The following UNKL variants were observed in gnomAD, a reference collection of about 807,000 sequenced individuals.
The protein encoded by UNKL is unk like zinc finger.
UNKL carries 60 observed loss-of-function variants against 78.0 expected under a neutral mutation model. The ratio of observed to expected loss-of-function variants is 0.77; its 90% CI spans 0.63 to 0.95. UNKL has a LOEUF of 0.95. UNKL is among the 40% of genes least tolerant of loss of function. The pLI, the probability that UNKL is intolerant of heterozygous loss-of-function variation, is 0.00. For synonymous variants in UNKL, 608 were observed against 474.8 expected (o/e 1.28, Z -3.65); for missense variants, 1,159 against 1,045.7 (o/e 1.11, Z -1.49).
At position 1,413,861 on chromosome 16, in the gene UNKL, C is replaced by T; in HGVS notation, c.272G>A (p.Cys91Tyr). ...GGCCGCTTACTCGTCGCCGTCGGGG[C>T]ACACGCCGGTGGCTTCGTTGTACTT... ...CSKYNEATGV[C>Y]PDGDECPYLH... Residue 91 changes from cysteine to tyrosine, a missense_variant, in exon 2 of 15, where the codon TGC becomes TAC. Coordinates refer to ENST00000389221, the MANE Select transcript of UNKL (RefSeq NM_001372107.1). 6.5e-7 allele frequency: 1 copy of T among 1,527,512 alleles called. No individual in the cohort carries two copies. The allele number at this position is 1,527,512 out of a possible 1,614,324, so 94.6% of individuals were successfully genotyped here. A position where few individuals can be genotyped will look rare whatever the true frequency, so the allele number is the denominator to read the frequency against.
In UNKL at chr16:1,371,553, C is replaced by T; in HGVS notation, c.1323G>A (p.Leu441=). The stretch of plus-strand genomic sequence containing the variant: ...CCAGGTCGTGGCCGTCTTGCTCTTC[C>T]AGGTCCTTCTCTAGGGATGCAATAT... ...NVNIASLEKD[L]EEQDGHDLGA... The change falls in exon 11 of 15, where the codon CTG becomes CTA. Residue 441 remains leucine, a synonymous_variant. Coordinates refer to ENST00000389221, the MANE Select transcript of UNKL (RefSeq NM_001372107.1). 4 of 1,536,250 alleles carry T rather than the reference C, an allele frequency of 2.6e-6. No individual in the cohort carries two copies. Among genetic ancestry groups the T allele is most frequent in the Non-Finnish European group, 3.5e-6 (4 of 1,146,920 alleles).
intron 10 of UNKL, among the ~76,000 whole-genome samples, chr16:1,377,829 T>G (rs2036345720): frequency 6.6e-6 from 1 of 152,100 alleles, no homozygotes; most frequent in Admixed American, 6.5e-5. Context: ...CAGGGGCTGC[T>G]GGAAGCTGGC....
chr16:1,369,067 T>G (rs890371811), intron 12 of UNKL, among the ~76,000 whole-genome samples: 4,757 of 125,788 alleles, frequency 0.038, 170 homozygotes, highest in Non-Finnish European at 0.055. Flanking sequence ...TTTTTTTTTT[T>G]TTTTTTTTTT....
intron 3 of UNKL, among the ~76,000 whole-genome samples, chr16:1,402,582 G>A (rs1030592983): frequency 1.3e-5 from 2 of 152,062 alleles, no homozygotes; most frequent in Non-Finnish European, 2.9e-5. Flanking sequence ...AGAATGGCGT[G>A]AACCCAGGAG....
At chr16:1,392,745 G>T in intron 8 of UNKL, 146 bp downstream of exon 8, 1 of 992,444 alleles carries the variant, frequency 1.0e-6, no homozygotes, top group Non-Finnish European at 1.5e-6. Context: ...TAGTGGCAAG[G>T]ATTTTTCTAG....
At position 1,387,630 on chromosome 16, in the gene UNKL, G is replaced by C. The variant is rs1455078325; in HGVS notation, c.1087-2245C>G. Among the ~76,000 whole-genome samples, 1 of 152,146 alleles carries C rather than the reference G, an allele frequency of 6.6e-6. No homozygotes were observed. Among genetic ancestry groups the C allele is most frequent in the South Asian group, 2.1e-4 (1 of 4,832 alleles). On this transcript the variant is annotated intron_variant, in intron 9 of 14. Coordinates refer to ENST00000389221, the MANE Select transcript of UNKL (RefSeq NM_001372107.1). This position sits in a 1 kb window ranked among gnomAD's most constrained non-coding sequence, Gnocchi z 4.1. ...AGCAAGGGGTGAGTGACGTGGGGCG[G>C]TCTGCTGAGCTCACCGCATCCAGCA...
chr16:1,394,754 G>C (rs922463056), intron 6 of UNKL, among the ~76,000 whole-genome samples: 1 of 152,076 alleles, frequency 6.6e-6, no homozygotes, highest in Non-Finnish European at 1.5e-5. Flanking sequence ...TGGCACGCCA[G>C]GCCTCCAGTG....
intron 10 of UNKL, among the ~76,000 whole-genome samples, chr16:1,376,677 C>G (rs1451812985): frequency 7.0e-6 from 1 of 141,884 alleles, no homozygotes; most frequent in African/African-American, 2.6e-5. Flanking sequence ...TAGCACCCTG[C>G]GATCTGTAGC....
intron 5 of UNKL, chr16:1,398,834 G>A: frequency 1.3e-6 from 2 of 1,562,040 alleles, no homozygotes; most frequent in South Asian, 1.2e-5. Context: ...CCAGGGGACA[G>A]CTGGGGCTCA....
At chr16:1,367,978 T>A in intron 12 of UNKL, 120 bp from the exon 13 acceptor site, 1 of 903,166 alleles carries the variant, frequency 1.1e-6, no homozygotes, top group Non-Finnish European at 1.7e-6. Flanking sequence ...TCACCTGCCC[T>A]GGCAGCAGGG....
chr16:1,399,340 C>T lies in UNKL; in HGVS notation c.734+34G>A, dbSNP rs1167519576. On this transcript the variant is annotated intron_variant, in intron 5 of 14. Transcript: ENST00000389221. This position sits in a 1 kb window ranked among gnomAD's most constrained non-coding sequence, Gnocchi z 5.8. ...ACGGGCCGGGAAGGACGCCCACCAG[C>T]CGGAGTCCTCTGAGCACGGTCCCGC... 1 of 1,531,380 alleles carries T rather than the reference C, an allele frequency of 6.5e-7. No individual in the cohort carries two copies. The highest frequency in any genetic ancestry group is 8.8e-7 in the Non-Finnish European group (1 of 1,138,794). The allele number at this position is 1,531,380 out of a possible 1,614,324, so 94.9% of individuals were successfully genotyped here.
chr16:1,406,204 G>T (rs552542913), intron 2 of UNKL: 10 of 330,180 alleles, frequency 3.0e-5, no homozygotes, highest in African/African-American at 2.6e-4. Flanking sequence ...CTCCCATGCC[G>T]GGCTATATTG....
Position 1,379,634 on chromosome 16 carries a change from A to G in UNKL, c.1264+5574T>C, listed in dbSNP as rs901403227. ...CTGCCACGCGCTGGGGCCGCCGCCA[A>G]TGCTGACTCACGGTCCGCGGCCGCC... On this transcript the variant is annotated intron_variant, in intron 10 of 14. Coordinates refer to ENST00000389221, the MANE Select transcript of UNKL (RefSeq NM_001372107.1). The G allele has an allele frequency of 9.1e-6, 9 of 984,344 alleles. No individual in the cohort carries two copies. The African/African-American group carries it at 1.4e-4, about 15-fold the overall frequency. The allele number at this position is 984,344 out of a possible 1,614,324, so 61.0% of individuals were successfully genotyped here. A position where few individuals can be genotyped will look rare whatever the true frequency, so the allele number is the denominator to read the frequency against.
rs1225045191 is a variant in UNKL, at chr16:1,366,035, G to T, written c.*205C>A. 1.8e-6 allele frequency: 1 copy of T among 540,622 alleles called. No homozygotes were observed. 33.5% of individuals were successfully genotyped at this position (540,622 alleles called of 1,614,324 possible). The stretch of plus-strand genomic sequence containing the variant: ...GAAAATACCTTGAAACCGTCGGTAG[G>T]ACTAGATAGGTGACAACGTGTGACA... On this transcript the variant is annotated 3_prime_UTR_variant, in exon 15 of 15. Transcript: ENST00000389221.
chr16:1,407,823 G>A (rs1398609062), intron 2 of UNKL, among the ~76,000 whole-genome samples: 4 of 152,176 alleles, frequency 2.6e-5, no homozygotes, highest in African/African-American at 9.7e-5. Context: ...GTGCAGGAGC[G>A]CTCTTCTGGA....
At chr16:1,385,494 C>T in intron 9 of UNKL, 109 bp from the exon 10 acceptor site, 1 of 1,155,486 alleles carries the variant, frequency 8.7e-7, no homozygotes, top group South Asian at 3.0e-5. Flanking sequence ...CTTCTACGCC[C>T]TGGCGAGGCC....
rs771016385 is a variant in UNKL, at chr16:1,413,860, G to A, written c.273C>T (p.Cys91=). Residue 91 remains cysteine, a synonymous_variant, in exon 2 of 15, where the codon TGC becomes TGT. Transcript: ENST00000389221. ...CGGCCGCTTACTCGTCGCCGTCGGG[G>A]CACACGCCGGTGGCTTCGTTGTACT... The part of the protein sequence containing the change: ...CSKYNEATGV[C]PDGDECPYLH... The A allele has an allele frequency of 5.9e-6, 9 of 1,526,980 alleles. No homozygotes were observed. The highest frequency in any genetic ancestry group is 1.4e-5 in the African/African-American group (1 of 72,540). 94.6% of individuals were successfully genotyped at this position (1,526,980 alleles called of 1,614,324 possible).
chr16:1,394,011 T>C, intron 7 of UNKL, 120 bp downstream of exon 7: 1 of 1,024,088 alleles, frequency 9.8e-7, no homozygotes, highest in South Asian at 1.5e-5. Flanking sequence ...ACCACGGTGC[T>C]GAGCTCCTGC....
At chr16:1,401,355 G>A (rs2037515829) in intron 4 of UNKL, 1 of 491,742 alleles carries the variant, frequency 2.0e-6, no homozygotes, top group Non-Finnish European at 3.3e-6. Context: ...CAGAGATTCA[G>A]AGCAGGTGCG....
Sources: allele counts gnomAD v4.1 joint callset (sites outside exome capture counted in the v4.1 genomes callset), GRCh38; gene constraint gnomAD v4.1.1; non-coding constraint Gnocchi (gnomAD v3.1); transcripts MANE v1.5; gene names NCBI Gene and HGNC (gene_info 2026-07-23, HGNC 2026-07-21).